ADGRD1: variants seen among roughly 807,000 people sequenced by gnomAD.
The protein encoded by ADGRD1 is adhesion G protein-coupled receptor D1.
A neutral mutation model predicts 113.4 loss-of-function variants in ADGRD1; 77 were observed. That is an observed-to-expected ratio of 0.68 (90% confidence interval 0.57 to 0.82). The LOEUF (loss-of-function observed/expected upper bound fraction) is 0.82, where lower values mean the gene tolerates loss of function less well. ADGRD1 is among the 40% of genes least tolerant of loss of function. The probability of loss-of-function intolerance (pLI) is 0.00; values close to 1 mark genes in which losing one functional copy is unlikely to be tolerated. For synonymous variants in ADGRD1, 474 were observed against 475.0 expected, an observed-to-expected ratio of 1.00 and a Z score of 0.03; for missense variants, 1,036 against 1,139.1, an observed-to-expected ratio of 0.91 and a Z score of 1.30.
At chr12:131,004,383 C>T (rs77324457) in intron 11 of ADGRD1, 87 bp downstream of exon 11, 15,911 of 1,003,862 alleles carry the variant, frequency 0.016, 220 homozygotes, top group Middle Eastern at 0.043. Context: ...GTGCCCACCG[C>T]GCCAGGGAGC....
At chr12:130,963,113 G>A (rs952912173) in intron 2 of ADGRD1, 1 of 152,124 alleles carries the variant, frequency 6.6e-6, no homozygotes, top group African/African-American at 2.4e-5. Flanking sequence ...GAAGTCAGGA[G>A]ATCGAAACCA....
At chr12:131,123,087 C>T (rs930960214) in intron 20 of ADGRD1, among the ~76,000 whole-genome samples, 5 of 69,086 alleles carry the variant, frequency 7.2e-5, no homozygotes, top group East Asian at 9.0e-4. Flanking sequence ...ACAGAGTCTT[C>T]GCTCTGTCGC....
intron 2 of ADGRD1, among the ~76,000 whole-genome samples, chr12:130,956,157 T>A (rs1174554288): frequency 6.6e-6 from 1 of 152,208 alleles, no homozygotes; most frequent in African/African-American, 2.4e-5. Flanking sequence ...CCCAGGGCGA[T>A]ACCCAGGCCT....
At position 131,008,847 on chromosome 12, in the gene ADGRD1, G is replaced by T. The variant is rs1382418433; in HGVS notation, c.1331+2800G>T. On this transcript the variant is annotated intron_variant, in intron 12 of 24. Coordinates refer to ENST00000261654, the MANE Select transcript of ADGRD1 (RefSeq NM_198827.5). ...CACAGAGGGAAGGGCCTCTCCCCAG[G>T]CTGTGAGGGACTCACGGGTGCTCGA... is the stretch of plus-strand genomic sequence containing the variant. Among the ~76,000 whole-genome samples, 8 of 152,230 alleles carry T rather than the reference G, an allele frequency of 5.3e-5. No individual in the cohort carries two copies. The East Asian group carries it at 9.6e-4, about 18-fold the overall frequency.
intron 22 of ADGRD1, 103 bp downstream of exon 22, chr12:131,136,266 G>A (rs751872026): frequency 2.0e-4 from 274 of 1,389,884 alleles, no homozygotes; most frequent in Non-Finnish European, 2.4e-4. Flanking sequence ...CTGCCCTCCC[G>A]GCCACACCTT....
At chr12:131,008,089 A>C (rs1393698466) in intron 12 of ADGRD1, among the ~76,000 whole-genome samples, 1 of 152,214 alleles carries the variant, frequency 6.6e-6, no homozygotes, top group Non-Finnish European at 1.5e-5. Flanking sequence ...CAGGAGTAAT[A>C]ATAGCACTGA....
rs1412265287 is a variant in ADGRD1 at position 131,057,052 on chromosome 12, A to G, written c.1474-19749A>G. On this transcript the variant is annotated intron_variant, in intron 13 of 24. Transcript: ENST00000261654. The surrounding 1 kb of genome is among the most constrained non-coding windows in gnomAD (Gnocchi z 4.2). ...GGGGAGGATAATTACTAATTATGGT[A>G]GCATTGTCCACAATGATTAGAGTAA... Among the ~76,000 whole-genome samples the G allele has an allele frequency of 6.6e-6, 1 of 152,214 alleles. No homozygotes were observed. Among genetic ancestry groups the G allele is most frequent in the Admixed American group, 6.5e-5 (1 of 15,282 alleles).
At chr12:131,005,898 G>A in intron 11 of ADGRD1, 74 bp from the exon 12 acceptor site, 1 of 1,122,814 alleles carries the variant, frequency 8.9e-7, no homozygotes, top group Non-Finnish European at 1.3e-6. Context: ...TGCATGGCGG[G>A]GCGTGGGGCT....
chr12:131,105,704 G>T (rs1165511809), intron 16 of ADGRD1, 50 bp from the exon 17 acceptor site: 3 of 1,429,094 alleles, frequency 2.1e-6, no homozygotes, highest in Non-Finnish European at 1.9e-6. Flanking sequence ...CCAGCCTGGG[G>T]GACTGGGTCG....
rs746445303 is a variant in ADGRD1, at chr12:131,121,465, C to T, written c.2175+552C>T. Among the ~76,000 whole-genome samples, 10 of 152,242 alleles carry T rather than the reference C, an allele frequency of 6.6e-5. 1 individual carries two copies. The highest frequency in any genetic ancestry group is 1.3e-4 in the Admixed American group (2 of 15,292). On this transcript the variant is annotated intron_variant, in intron 20 of 24. Transcript: ENST00000261654. ...CAGTGGTGCGATCTCACTGCAACCT[C>T]TGCCTCCTGGGTTCAGGCGATTCTC...
chr12:131,062,652 C>T (rs1210078733), intron 13 of ADGRD1, among the ~76,000 whole-genome samples: 5 of 152,216 alleles, frequency 3.3e-5, no homozygotes, highest in East Asian at 1.9e-4. Context: ...TCTTACCTGC[C>T]GCCATGTAAG....
chr12:130,999,610 A>G (rs1218663978), intron 8 of ADGRD1, among the ~76,000 whole-genome samples: 1 of 152,160 alleles, frequency 6.6e-6, no homozygotes, highest in Non-Finnish European at 1.5e-5. Context: ...TGATGCTGAT[A>G]GTTGGAGACA....
chr12:131,131,693 C>T (rs1182229295), intron 20 of ADGRD1, 32 bp from the exon 21 acceptor site: 8 of 1,439,152 alleles, frequency 5.6e-6, no homozygotes, highest in Middle Eastern at 1.7e-4. Flanking sequence ...AGCCCAGGCC[C>T]CCCTCACCTT....
At chr12:131,006,286 C>T (rs776962948) in intron 12 of ADGRD1, among the ~76,000 whole-genome samples, 1 of 152,212 alleles carries the variant, frequency 6.6e-6, no homozygotes, top group South Asian at 2.1e-4. Context: ...CCTACCCACC[C>T]GCCTGGACAG....
chr12:131,128,708 G>A (rs79762539), intron 20 of ADGRD1, among the ~76,000 whole-genome samples: 1 of 152,148 alleles, frequency 6.6e-6, no homozygotes, highest in African/African-American at 2.4e-5. Context: ...GCAGATAGGG[G>A]GACTGTAACT....
intron 17 of ADGRD1, among the ~76,000 whole-genome samples, chr12:131,107,578 G>A (rs966144794): frequency 6.6e-6 from 1 of 152,222 alleles, no homozygotes; most frequent in Non-Finnish European, 1.5e-5. Context: ...GCTCCAGTTG[G>A]TCCTGTTTGA....
intron 9 of ADGRD1, chr12:131,002,545 C>T: frequency 2.0e-6 from 2 of 1,004,888 alleles, no homozygotes; most frequent in Non-Finnish European, 2.4e-6. Flanking sequence ...ACTGGCCCAG[C>T]TCAGCAGGGC....
intron 2 of ADGRD1, chr12:130,962,241 G>C (rs1377511430): frequency 6.6e-6 from 1 of 152,268 alleles, no homozygotes; most frequent in Non-Finnish European, 1.5e-5. Flanking sequence ...GGTGTGGAGA[G>C]AAGGCAGTGT....
At chr12:131,129,396 C>T (rs1210662055) in intron 20 of ADGRD1, among the ~76,000 whole-genome samples, 3 of 116,354 alleles carry the variant, frequency 2.6e-5, no homozygotes, top group African/African-American at 3.7e-5. Flanking sequence ...GTGACAGGCC[C>T]GCCCTGCTGT....
Sources: gnomAD v4.1 joint callset for allele counts (sites outside exome capture counted in the v4.1 genomes callset) on GRCh38, gnomAD v4.1.1 for gene constraint, Gnocchi (gnomAD v3.1) non-coding constraint, MANE v1.5 for transcripts, NCBI Gene and HGNC (gene_info 2026-07-23, HGNC 2026-07-21) for gene names.